The following PXDNL variants were observed in gnomAD, a reference collection of about 807,000 sequenced individuals.
PXDNL encodes the protein peroxidasin like.
A neutral mutation model predicts 150.8 loss-of-function variants in PXDNL; 145 were observed. That is an observed-to-expected ratio of 0.96 (90% CI 0.84 to 1.10). The LOEUF (loss-of-function observed/expected upper bound fraction) is 1.10, where lower values mean the gene tolerates loss of function less well. Among genes scored for constraint, PXDNL ranks in the 50% least tolerant of loss-of-function variants. The probability of loss-of-function intolerance (pLI) is 0.00; values close to 1 mark genes in which losing one functional copy is unlikely to be tolerated. For missense variants in PXDNL, 2,087 were observed against 1,873.9 expected (o/e 1.11, Z -2.10); for synonymous variants, 757 against 725.7 (o/e 1.04, Z -0.69).
intron 1 of PXDNL, among the ~76,000 whole-genome samples, chr8:51,793,034 A>AC (rs780244677): frequency 1.3e-5 from 2 of 151,864 alleles, no homozygotes; most frequent in Non-Finnish European, 2.9e-5. Context: ...ATTGGGTGAG[A>AC]CCCCCCACAA....
chr8:51,587,035 C>T (rs1813340412), intron 3 of PXDNL, among the ~76,000 whole-genome samples: 1 of 152,122 alleles, frequency 6.6e-6, no homozygotes, highest in Non-Finnish European at 1.5e-5. Flanking sequence ...GTGAAATTAT[C>T]AGTGCCCTTA....
intron 1 of PXDNL, among the ~76,000 whole-genome samples, chr8:51,774,623 C>T (rs756920620): frequency 2.0e-5 from 3 of 151,956 alleles, no homozygotes; most frequent in Non-Finnish European, 4.4e-5. Flanking sequence ...TCGAGACCAT[C>T]CTGGGTAACA....
chr8:51,327,891 A>C (rs976394195), intron 21 of PXDNL, among the ~76,000 whole-genome samples: 1 of 151,798 alleles, frequency 6.6e-6, no homozygotes. Flanking sequence ...CAGGAGGATA[A>C]CAAGAGAGGC....
At chr8:51,700,681 C>T (rs967675887) in intron 1 of PXDNL, among the ~76,000 whole-genome samples, 3 of 151,810 alleles carry the variant, frequency 2.0e-5, no homozygotes, top group Non-Finnish European at 4.4e-5. Flanking sequence ...CATAAACACA[C>T]ACATGCATAC....
chr8:51,367,900 G>A (rs1806969790), intron 19 of PXDNL, among the ~76,000 whole-genome samples: 1 of 152,192 alleles, frequency 6.6e-6, no homozygotes, highest in Non-Finnish European at 1.5e-5. Context: ...GGCCGAGACG[G>A]GTGGATCACC....
rs10107247 is a variant in PXDNL, at chr8:51,359,185, G to T, written c.3901+12688C>A. On this transcript the variant is annotated intron_variant, in intron 19 of 22. Coordinates refer to ENST00000356297, the MANE Select transcript of PXDNL (RefSeq NM_144651.5). Reference sequence around the variant, plus strand: ...AAGTCACTGTCCATGAAAGGGTCCCGAATAGTTATCAGAGAGAGGAGCCAC... The same window carrying T: ...AAGTCACTGTCCATGAAAGGGTCCCTAATAGTTATCAGAGAGAGGAGCCAC... 3.0e-3 allele frequency among the ~76,000 whole-genome samples: 457 copies of T among 152,196 alleles called. 4 individuals are homozygous for T. Among genetic ancestry groups the T allele is most frequent in the African/African-American group, 0.011 (440 of 41,526 alleles).
At chr8:51,644,806 T>G (rs1219071849) in intron 2 of PXDNL, among the ~76,000 whole-genome samples, 1 of 151,790 alleles carries the variant, frequency 6.6e-6, no homozygotes, top group African/African-American at 2.4e-5. Context: ...AGCAGCAGCG[T>G]GAAGGGGGCT....
At chr8:51,484,191 C>T (rs1810672091) in intron 5 of PXDNL, among the ~76,000 whole-genome samples, 1 of 151,954 alleles carries the variant, frequency 6.6e-6, no homozygotes, top group African/African-American at 2.4e-5. Flanking sequence ...AATCCCAGCA[C>T]TTTGGGAGGC....
chr8:51,739,976 T>G (rs2036887277), intron 1 of PXDNL, among the ~76,000 whole-genome samples: 1 of 151,172 alleles, frequency 6.6e-6, no homozygotes, highest in South Asian at 2.1e-4. Flanking sequence ...CCAAAGAAAA[T>G]GAAGTACTTA....
chr8:51,319,727 T>G lies in PXDNL; in HGVS notation c.*164A>C, dbSNP rs1585994576. On this transcript the variant is annotated 3_prime_UTR_variant, in exon 23 of 23. Transcript: ENST00000356297. ...AATTATTTCAAGGTATGTTAGAAAATGAAAAAATAAAAGATCGTAAGTATA... is the reference window on the plus strand; with the variant it reads ...AATTATTTCAAGGTATGTTAGAAAAGGAAAAAATAAAAGATCGTAAGTATA... 1.0e-5 allele frequency: 5 copies of G among 478,480 alleles called. No homozygotes were observed. The East Asian group carries it at 1.5e-4, about 14-fold the overall frequency. The allele number at this position is 478,480 out of a possible 1,614,324, so 29.6% of individuals were successfully genotyped here.
chr8:51,515,468 C>G (rs1321370168), intron 4 of PXDNL, among the ~76,000 whole-genome samples: 7 of 152,188 alleles, frequency 4.6e-5, no homozygotes, highest in Non-Finnish European at 1.0e-4. Context: ...TTGACACACA[C>G]CACTAAACAT....
At chr8:51,735,553 T>G (rs1158971049) in intron 1 of PXDNL, among the ~76,000 whole-genome samples, 62 of 134,588 alleles carry the variant, frequency 4.6e-4, no homozygotes, top group African/African-American at 1.8e-3. Context: ...TTTTTTTTTT[T>G]TTTTTTTTTT....
chr8:51,336,058 T>C (rs1323961185), intron 21 of PXDNL, among the ~76,000 whole-genome samples: 2 of 152,142 alleles, frequency 1.3e-5, no homozygotes, highest in Non-Finnish European at 1.5e-5. Flanking sequence ...TAATGTCACC[T>C]AGAGTTAGGA....
intron 5 of PXDNL, among the ~76,000 whole-genome samples, chr8:51,486,910 C>G (rs1431662946): frequency 2.1e-5 from 3 of 144,866 alleles, no homozygotes; most frequent in Non-Finnish European, 3.0e-5. Context: ...AAGCAATTCT[C>G]CTGCCTCAGC....
chr8:51,402,927 A>G (rs1808304355), intron 17 of PXDNL, among the ~76,000 whole-genome samples: 1 of 151,450 alleles, frequency 6.6e-6, no homozygotes, highest in Admixed American at 6.6e-5. Context: ...ACACACACAC[A>G]CACACACACA....
At chr8:51,509,237 C>T (rs186226530) in intron 4 of PXDNL, among the ~76,000 whole-genome samples, 14 of 152,232 alleles carry the variant, frequency 9.2e-5, no homozygotes, top group Non-Finnish European at 1.6e-4. Context: ...TCATGTCGTA[C>T]ATTATAAATA....
intron 2 of PXDNL, among the ~76,000 whole-genome samples, chr8:51,638,698 A>C (rs1485824716): frequency 6.6e-6 from 1 of 152,224 alleles, no homozygotes; most frequent in African/African-American, 2.4e-5. Context: ...CAGATTCATG[A>C]AGCAAGTACT....
chr8:51,584,984 G>A (rs895685370), intron 3 of PXDNL, among the ~76,000 whole-genome samples: 2 of 152,040 alleles, frequency 1.3e-5, no homozygotes, highest in African/African-American at 2.4e-5. Context: ...AGATTGGAGG[G>A]GAATAGAGCA....
rs1585586761 is a variant in PXDNL at position 51,569,191 on chromosome 8, G to A, written c.309-12280C>T. 2.0e-5 allele frequency among the ~76,000 whole-genome samples: 3 copies of A among 151,826 alleles called. No individual in the cohort carries two copies. In the South Asian group the frequency reaches 6.2e-4, roughly 32 times the overall value. ...TTAAAAGGTGGAAATGACGTATCCT[G>A]TAACAGGAACTGAGGTAAATAATTT... On this transcript the variant is annotated intron_variant, in intron 3 of 22. Coordinates refer to ENST00000356297, the MANE Select transcript of PXDNL (RefSeq NM_144651.5).
Sources: allele counts gnomAD v4.1 joint callset (sites outside exome capture counted in the v4.1 genomes callset), GRCh38; gene constraint gnomAD v4.1.1; transcripts MANE v1.5; gene names NCBI Gene and HGNC (gene_info 2026-07-23, HGNC 2026-07-21).